Variants in LRBA observed in about 807,000 individuals in gnomAD.
The protein encoded by LRBA is lipopolysaccharide-responsive and beige-like anchor protein.
Under a neutral mutation model 330.0 loss-of-function variants are expected in LRBA, and 176 were observed. That is an observed-to-expected ratio of 0.53 (90% CI 0.47 to 0.60). The LOEUF is 0.60. Ranked by LOEUF, LRBA falls within the 20% of genes least tolerant of loss-of-function variation. LRBA has a pLI of 0.00. For missense variants in LRBA, 3,259 were observed against 3,444.8 expected, an observed-to-expected ratio of 0.95 and a Z score of 1.35; for synonymous variants, 1,230 against 1,193.0, an observed-to-expected ratio of 1.03 and a Z score of -0.64.
At chr4:150,710,768 T>A (rs77138938) in intron 36 of LRBA, among the ~76,000 whole-genome samples, 215 of 152,234 alleles carry the variant, frequency 1.4e-3, no homozygotes, top group African/African-American at 5.1e-3. Flanking sequence ...CTCCTACAGC[T>A]ATCTATCTTC....
At chr4:150,478,093 C>T (rs541230358) in intron 42 of LRBA, among the ~76,000 whole-genome samples, 1 of 152,206 alleles carries the variant, frequency 6.6e-6, no homozygotes, top group South Asian at 2.1e-4. Context: ...TTGAGGTTTT[C>T]TGGATGTAGC....
rs757105953 is a variant in LRBA, at chr4:150,321,357, C to T, written c.7464G>A (p.Met2488Ile). ...RGSAMQVSPL[M>I]FTDKAQQDVI... Reference sequence around the variant, plus strand: ...CATCCTGCTGGGCTTTGTCTGTGAACATCAATGGACTCTGCAGGAGGAGAT... The same window carrying T: ...CATCCTGCTGGGCTTTGTCTGTGAATATCAATGGACTCTGCAGGAGGAGAT... Residue 2488 changes from methionine (M) to isoleucine (I), a missense_variant, in exon 50 of 57, where the codon ATG becomes ATA. Transcript: ENST00000651943. This position sits in a 1 kb window ranked among gnomAD's most constrained non-coding sequence, Gnocchi z 4.5. 2.4e-5 allele frequency: 38 copies of T among 1,596,582 alleles called. 1 individual carries two copies. The South Asian group carries it at 4.1e-4, about 17-fold the overall frequency.
At chr4:150,595,206 T>TC (rs1227029787) in intron 38 of LRBA, among the ~76,000 whole-genome samples, 6 of 119,078 alleles carry the variant, frequency 5.0e-5, no homozygotes, top group Admixed American at 3.1e-4. Context: ...TCCATAGCAT[T>TC]CCAAGTCAAG....
rs933462323 is a variant in LRBA, at chr4:150,345,291, G to C, written c.7362+4701C>G. 2.0e-5 allele frequency among the ~76,000 whole-genome samples: 3 copies of C among 152,088 alleles called. No individual in the cohort carries two copies. In the South Asian group the frequency reaches 6.2e-4, roughly 32 times the overall value. On this transcript the variant is annotated intron_variant, in intron 48 of 56. Transcript: ENST00000651943. ...CCTTTAACCTTATTACATGATTCGG[G>C]TTTAGTAAAAGGTTGTTGAAAAAAT...
intron 22 of LRBA, among the ~76,000 whole-genome samples, chr4:150,856,166 C>G (rs1751207720): frequency 6.6e-6 from 1 of 152,140 alleles, no homozygotes; most frequent in South Asian, 2.1e-4. Context: ...TGAGAATCTT[C>G]AGGTGATTCA....
chr4:150,623,159 T>C (rs553578613), intron 37 of LRBA, among the ~76,000 whole-genome samples: 1 of 152,334 alleles, frequency 6.6e-6, no homozygotes, highest in East Asian at 1.9e-4. Context: ...GCACTGCTGG[T>C]AGAAGACCAT....
Position 150,828,552 on chromosome 4 carries a change from G to A in LRBA, c.4799C>T (p.Ala1600Val), listed in dbSNP as rs2126812038. Residue 1600 changes from alanine (A) to valine (V), a missense_variant, in exon 30 of 57, where the codon GCT (alanine) becomes GTT (valine). By Grantham distance (64) the Ala-to-Val change is moderately conservative. Coordinates refer to ENST00000651943, the MANE Select transcript of LRBA (RefSeq NM_001364905.1). ...SVEESESTSS[A>V]RRRDSGIGEE... ...CCCAATGCCTGAGTCCCTCCTTCGA[G>A]CAGATGATGTGCTTTCAGATTCTTC... 6.2e-7 allele frequency: 1 copy of A among 1,614,084 alleles called. No homozygotes were observed. Among genetic ancestry groups the A allele is most frequent in the Non-Finnish European group, 8.5e-7 (1 of 1,180,000 alleles).
At chr4:150,629,894 C>T (rs941243907) in intron 37 of LRBA, among the ~76,000 whole-genome samples, 6 of 152,124 alleles carry the variant, frequency 3.9e-5, no homozygotes, top group African/African-American at 1.4e-4. Context: ...TCACTTGAAC[C>T]CTGGAGGCGG....
chr4:150,858,125 T>G (rs747496786), intron 22 of LRBA, among the ~76,000 whole-genome samples: 36 of 152,192 alleles, frequency 2.4e-4, no homozygotes, highest in Non-Finnish European at 4.7e-4. Flanking sequence ...CAAGATTTCC[T>G]GTAATGAAAA....
At chr4:150,642,219 T>C (rs1778746977) in intron 37 of LRBA, among the ~76,000 whole-genome samples, 1 of 151,940 alleles carries the variant, frequency 6.6e-6, no homozygotes, top group South Asian at 2.1e-4. Flanking sequence ...CTGCATGTAT[T>C]TCAAAGTTGT....
chr4:150,541,057 A>G (rs1037036927), intron 40 of LRBA, among the ~76,000 whole-genome samples: 1 of 152,220 alleles, frequency 6.6e-6, no homozygotes, highest in African/African-American at 2.4e-5. Flanking sequence ...TAGGCAGCTT[A>G]GATTCCTTTC....
At chr4:150,515,283 A>G (rs950899768) in intron 40 of LRBA, among the ~76,000 whole-genome samples, 1 of 152,204 alleles carries the variant, frequency 6.6e-6, no homozygotes, top group African/African-American at 2.4e-5. Flanking sequence ...TCTACTCCTT[A>G]TATCAACAAA....
At chr4:150,582,996 G>A (rs770495370) in intron 40 of LRBA, 13 of 1,539,916 alleles carry the variant, frequency 8.4e-6, no homozygotes, top group Admixed American at 2.0e-5. Flanking sequence ...CGTATTGCGA[G>A]ACGCCGGTGT....
intron 2 of LRBA, among the ~76,000 whole-genome samples, chr4:151,010,452 T>C (rs540533235): frequency 2.0e-5 from 3 of 152,310 alleles, no homozygotes; most frequent in Admixed American, 6.5e-5. Flanking sequence ...CTTGACTACA[T>C]TGGTGCACTG....
intron 5 of LRBA, among the ~76,000 whole-genome samples, chr4:150,920,436 C>A (rs1263516034): frequency 1.3e-5 from 2 of 152,084 alleles, no homozygotes; most frequent in African/African-American, 2.4e-5. Flanking sequence ...GTAATCGCAG[C>A]TACTCAGGAG....
In LRBA at chr4:150,896,502, T is replaced by A. The variant is rs537153228; in HGVS notation, c.2005-46A>T. ...TATCTTACGTTTACATGTAAAAAAA[T>A]GTTTAAAGAGAAATTATACACATAG... On this transcript the variant is annotated intron_variant, in intron 15 of 56. Coordinates refer to ENST00000651943, the MANE Select transcript of LRBA (RefSeq NM_001364905.1). 5.1e-5 allele frequency: 51 copies of A among 997,498 alleles called. No individual in the cohort carries two copies. In the Admixed American group the frequency reaches 5.4e-4, roughly 11 times the overall value. 61.8% of individuals were successfully genotyped at this position (997,498 alleles called of 1,614,324 possible).
At chr4:150,469,937 C>G (rs988832557) in intron 43 of LRBA, among the ~76,000 whole-genome samples, 4 of 152,180 alleles carry the variant, frequency 2.6e-5, no homozygotes, top group African/African-American at 9.6e-5. Context: ...AATCCTAGCA[C>G]TTTGGGAGGT....
intron 32 of LRBA, among the ~76,000 whole-genome samples, chr4:150,807,628 TTTGTTGTTGTTGTTGTTG>T (rs57037174): frequency 6.7e-5 from 10 of 149,760 alleles, no homozygotes; most frequent in African/African-American, 1.5e-4. Flanking sequence ...ATATCAGCAT[TTTGTTGTTGTTGTTGTTG>T]TTGTTGTTGT....
intron 42 of LRBA, among the ~76,000 whole-genome samples, chr4:150,484,536 T>G (rs1419050847): frequency 6.6e-6 from 1 of 151,946 alleles, no homozygotes; most frequent in African/African-American, 2.4e-5. Context: ...CTTCTCTTTC[T>G]GCATCTTTGC....
Sources: allele counts gnomAD v4.1 joint callset (sites outside exome capture counted in the v4.1 genomes callset), GRCh38; gene constraint gnomAD v4.1.1; non-coding constraint Gnocchi (gnomAD v3.1); transcripts MANE v1.5; gene names NCBI Gene and HGNC (gene_info 2026-07-23, HGNC 2026-07-21).